Variants in GALNTL6 observed in about 807,000 individuals in gnomAD.
The protein encoded by GALNTL6 is polypeptide N-acetylgalactosaminyltransferase-like 6.
Under a neutral mutation model 73.7 loss-of-function variants are expected in GALNTL6, and 46 were observed. That is an observed-to-expected ratio of 0.62 (90% CI 0.49 to 0.80). The LOEUF is 0.80. GALNTL6 is among the 30% of genes least tolerant of loss of function. GALNTL6 has a pLI of 0.00. For synonymous variants in GALNTL6, 259 were observed against 263.7 expected, an observed-to-expected ratio of 0.98 and a Z score of 0.17; for missense variants, 604 against 755.0, an observed-to-expected ratio of 0.80 and a Z score of 2.34.
chr4:172,933,283 G>A (rs1307612580), intron 9 of GALNTL6, among the ~76,000 whole-genome samples: 33 of 152,052 alleles, frequency 2.2e-4, no homozygotes, highest in Non-Finnish European at 1.6e-4. Context: ...CAAGACAATG[G>A]GTGTGTATGC....
At chr4:172,372,319 AT>A (rs1480086465) in intron 5 of GALNTL6, among the ~76,000 whole-genome samples, 2 of 152,266 alleles carry the variant, frequency 1.3e-5, no homozygotes, top group Non-Finnish European at 2.9e-5. Flanking sequence ...GCATATACAT[AT>A]TTGAAGCACC....
At position 172,909,617 on chromosome 4, in the gene GALNTL6, A is replaced by T. The variant is rs548903407; in HGVS notation, c.1042-21544A>T. On this transcript the variant is annotated intron_variant, in intron 8 of 12. Coordinates refer to ENST00000506823, the MANE Select transcript of GALNTL6 (RefSeq NM_001034845.3). ...TTCACTTATCAGATTTGCAACAATC[A>T]AGAACTTTGATAGCAATGTGTTGTT... Among the ~76,000 whole-genome samples the T allele has an allele frequency of 5.3e-5, 8 of 152,236 alleles. No homozygotes were observed. In the South Asian group the frequency reaches 1.2e-3, roughly 24 times the overall value.
At chr4:172,651,578 C>G (rs922423853) in intron 5 of GALNTL6, among the ~76,000 whole-genome samples, 2 of 152,148 alleles carry the variant, frequency 1.3e-5, no homozygotes, top group African/African-American at 2.4e-5. Flanking sequence ...CTACAAGTAG[C>G]CTTTGTGAAC....
At chr4:172,714,742 A>C (rs1458914286) in intron 5 of GALNTL6, among the ~76,000 whole-genome samples, 1 of 152,122 alleles carries the variant, frequency 6.6e-6, no homozygotes, top group African/African-American at 2.4e-5. Flanking sequence ...AGTATTCAGG[A>C]AAGCAGCAGG....
intron 5 of GALNTL6, among the ~76,000 whole-genome samples, chr4:172,413,790 A>G (rs774456305): frequency 1.3e-5 from 2 of 151,998 alleles, no homozygotes; most frequent in South Asian, 2.1e-4. Context: ...TTAAATTGCC[A>G]TAGGTTTGTT....
chr4:171,854,558 T>A (rs1484843705), intron 2 of GALNTL6, among the ~76,000 whole-genome samples: 1 of 152,222 alleles, frequency 6.6e-6, no homozygotes, highest in Non-Finnish European at 1.5e-5. Context: ...GGTACTTGGA[T>A]AACATCTTAG....
chr4:172,529,641 A>G (rs1735099215), intron 5 of GALNTL6, among the ~76,000 whole-genome samples: 2 of 151,754 alleles, frequency 1.3e-5, no homozygotes, highest in South Asian at 4.1e-4. Context: ...AAGATGTAGC[A>G]TAAATGCAAA....
At chr4:172,407,891 T>C (rs1744296212) in intron 5 of GALNTL6, among the ~76,000 whole-genome samples, 1 of 152,112 alleles carries the variant, frequency 6.6e-6, no homozygotes, top group African/African-American at 2.4e-5. Context: ...ATAATGTTTT[T>C]CTTCAAGATT....
intron 3 of GALNTL6, among the ~76,000 whole-genome samples, chr4:172,275,491 A>T (rs1252212555): frequency 6.6e-6 from 1 of 152,216 alleles, no homozygotes; most frequent in African/African-American, 2.4e-5. Flanking sequence ...AAATAGAAAT[A>T]ATGATAGTAC....
At chr4:171,826,106 A>G (rs1734817649) in intron 2 of GALNTL6, among the ~76,000 whole-genome samples, 1 of 152,138 alleles carries the variant, frequency 6.6e-6, no homozygotes, top group East Asian at 1.9e-4. Context: ...ATCATTCCAC[A>G]TTTTCCTATT....
chr4:172,848,472 T>C (rs1323417287), intron 7 of GALNTL6, among the ~76,000 whole-genome samples: 1 of 152,318 alleles, frequency 6.6e-6, no homozygotes, highest in Non-Finnish European at 1.5e-5. Flanking sequence ...TTTCTTAGAA[T>C]AGACACTTAA....
intron 7 of GALNTL6, among the ~76,000 whole-genome samples, chr4:172,827,117 G>GC: frequency 6.6e-6 from 1 of 152,176 alleles, no homozygotes; most frequent in East Asian, 1.9e-4. Flanking sequence ...CTGCTCTCTT[G>GC]CATGGTAGGG....
At chr4:172,892,626 T>G (rs1746097296) in intron 8 of GALNTL6, among the ~76,000 whole-genome samples, 1 of 150,576 alleles carries the variant, frequency 6.6e-6, no homozygotes, top group Non-Finnish European at 1.5e-5. Flanking sequence ...TTTTTTTAAC[T>G]GCTGCATATG....
At chr4:172,304,173 T>C (rs931783164) in intron 3 of GALNTL6, among the ~76,000 whole-genome samples, 5 of 152,208 alleles carry the variant, frequency 3.3e-5, no homozygotes, top group Non-Finnish European at 7.3e-5. Context: ...TAATATGTGC[T>C]TTTGAATAAG....
chr4:172,478,605 G>A (rs1733326105), intron 5 of GALNTL6, among the ~76,000 whole-genome samples: 1 of 152,144 alleles, frequency 6.6e-6, no homozygotes, highest in Non-Finnish European at 1.5e-5. Context: ...CCTAGGCAAA[G>A]AGTTTATGAC....
chr4:172,226,603 T>TTTGTGTG, intron 2 of GALNTL6, among the ~76,000 whole-genome samples: 1 of 9,948 alleles, frequency 1.0e-4, no homozygotes, highest in South Asian at 3.5e-3. Context: ...GTGTGTGTGT[T>TTTGTGTG]TCTGTGTGTG....
intron 2 of GALNTL6, among the ~76,000 whole-genome samples, chr4:171,893,447 T>G (rs1408605829): frequency 6.6e-6 from 1 of 152,184 alleles, no homozygotes; most frequent in Non-Finnish European, 1.5e-5. Flanking sequence ...AGTACCAGTG[T>G]GGTACCTTCA....
At chr4:171,932,485 T>C in intron 2 of GALNTL6, among the ~76,000 whole-genome samples, 1 of 152,190 alleles carries the variant, frequency 6.6e-6, no homozygotes, top group Non-Finnish European at 1.5e-5. Context: ...CAAGCACCTC[T>C]CTGAGACTGA....
intron 2 of GALNTL6, among the ~76,000 whole-genome samples, chr4:172,186,660 T>C (rs1339691004): frequency 2.0e-5 from 3 of 152,032 alleles, no homozygotes; most frequent in Non-Finnish European, 4.4e-5. Flanking sequence ...TTTTGCTAGG[T>C]CATAGAAACT....
Sources: gnomAD v4.1 joint callset for allele counts (sites outside exome capture counted in the v4.1 genomes callset) on GRCh38, gnomAD v4.1.1 for gene constraint, MANE v1.5 for transcripts, NCBI Gene and HGNC (gene_info 2026-07-23, HGNC 2026-07-21) for gene names.